Variants in XRN1 observed in about 807,000 individuals in gnomAD.
XRN1 encodes 5'-3' exoribonuclease 1, also known as strand-exchange protein 1 homolog.
In XRN1, 67 loss-of-function variants were observed where a neutral mutation model predicts 222.3. The observed-to-expected ratio is 0.30, with a 90% CI of 0.25 to 0.37. The LOEUF (loss-of-function observed/expected upper bound fraction) is 0.37, where lower values mean the gene tolerates loss of function less well. Ranked by LOEUF, XRN1 falls within the 10% of genes least tolerant of loss-of-function variation. The pLI is 1.00. For missense variants in XRN1, 1,707 were observed against 2,000.2 expected, an observed-to-expected ratio of 0.85 and a Z score of 2.80; for synonymous variants, 643 against 652.4, an observed-to-expected ratio of 0.99 and a Z score of 0.22.
At chr3:142,408,663 T>A (rs1424053841) in intron 15 of XRN1, among the ~76,000 whole-genome samples, 1 of 152,228 alleles carries the variant, frequency 6.6e-6, no homozygotes, top group African/African-American at 2.4e-5. Context: ...AATAGTCTTG[T>A]ACAAAACATT....
At chr3:142,382,658 A>G (rs1305984952) in intron 22 of XRN1, among the ~76,000 whole-genome samples, 1 of 152,066 alleles carries the variant, frequency 6.6e-6, no homozygotes, top group Non-Finnish European at 1.5e-5. Context: ...TGTTCCTTTT[A>G]GTGAGTTATG....
chr3:142,413,540 G>A (rs1040019472), intron 14 of XRN1, among the ~76,000 whole-genome samples: 6 of 152,224 alleles, frequency 3.9e-5, no homozygotes, highest in Non-Finnish European at 8.8e-5. Context: ...AGAACAGATT[G>A]TTACCCTCAA....
chr3:142,329,679 T>C, intron 36 of XRN1, 64 bp from the exon 37 acceptor site: 1 of 1,457,460 alleles, frequency 6.9e-7, no homozygotes, highest in Non-Finnish European at 9.1e-7. Flanking sequence ...TATGCACTTA[T>C]TGTAGGGTTT....
At chr3:142,420,516 T>A (rs1366612395) in intron 10 of XRN1, 1 of 159,042 alleles carries the variant, frequency 6.3e-6, no homozygotes, top group Non-Finnish European at 1.4e-5. Context: ...GGATTACAGG[T>A]GTGTGCCACC....
intron 33 of XRN1, among the ~76,000 whole-genome samples, chr3:142,336,511 G>A (rs1048086882): frequency 4.0e-5 from 6 of 151,660 alleles, no homozygotes; most frequent in African/African-American, 1.5e-4. Context: ...AGAAGCAGGG[G>A]AAGGGGAATA....
intron 31 of XRN1, among the ~76,000 whole-genome samples, chr3:142,356,407 G>A (rs2107831037): frequency 6.6e-6 from 1 of 152,242 alleles, no homozygotes. Flanking sequence ...ATAAGCATGA[G>A]ATTTGGGGTC....
At position 142,421,069 on chromosome 3, in the gene XRN1, C is replaced by G. The variant is rs1455089571; in HGVS notation, c.1120G>C (p.Ala374Pro). ...CTGGCTTCTTCTGCTGCGACACCTGCTGCTTCATTGAGGTACTTGTTACCA... is the reference window on the plus strand; with the variant it reads ...CTGGCTTCTTCTGCTGCGACACCTGGTGCTTCATTGAGGTACTTGTTACCA... ...KVGNKYLNEA[A>P]GVAAEEARNY... Residue 374 changes from alanine to proline, a missense_variant, in exon 10 of 41, where the codon GCA becomes CCA. By Grantham distance (27) the Ala-to-Pro change is conservative. Coordinates refer to ENST00000392981, the MANE Select transcript of XRN1 (RefSeq NM_001282857.2). 6 of 1,614,066 alleles carry G rather than the reference C, an allele frequency of 3.7e-6. No homozygotes were observed. The highest frequency in any genetic ancestry group is 3.3e-5 in the Admixed American group (2 of 60,020).
At chr3:142,319,945 C>T (rs1031413734) in intron 37 of XRN1, among the ~76,000 whole-genome samples, 1 of 151,926 alleles carries the variant, frequency 6.6e-6, no homozygotes, top group Non-Finnish European at 1.5e-5. Flanking sequence ...CGCACACATA[C>T]CCACACACAT....
Position 142,367,486 on chromosome 3 carries a change from C to A in XRN1, c.3205-2120G>T, listed in dbSNP as rs549305583. ...ATAGAGGTATGGAAGGAAAGTTCTA[C>A]CAGTAATTTTGATAATTAGCAGAGT... is the stretch of plus-strand genomic sequence containing the variant. On this transcript the variant is annotated intron_variant, in intron 27 of 40. Transcript: ENST00000392981. Among the ~76,000 whole-genome samples the A allele has an allele frequency of 3.3e-5, 5 of 152,096 alleles. No individual in the cohort carries two copies. In the East Asian group the frequency reaches 9.6e-4, roughly 29 times the overall value.
chr3:142,330,298 A>T (rs939212364), intron 36 of XRN1, among the ~76,000 whole-genome samples: 1 of 152,208 alleles, frequency 6.6e-6, no homozygotes, highest in Non-Finnish European at 1.5e-5. Context: ...TCTGAGACAC[A>T]TGGATGAATA....
At chr3:142,328,059 A>T (rs1405033847) in intron 37 of XRN1, among the ~76,000 whole-genome samples, 1 of 152,142 alleles carries the variant, frequency 6.6e-6, no homozygotes, top group African/African-American at 2.4e-5. Flanking sequence ...CATTTTCTTT[A>T]TCCAATCATC....
intron 29 of XRN1, among the ~76,000 whole-genome samples, chr3:142,363,663 AAAGTTTACTCTAGCTTTG>A: frequency 6.6e-6 from 1 of 151,838 alleles, no homozygotes; most frequent in Non-Finnish European, 1.5e-5. Flanking sequence ...CTAGCTTTGT[AAAGTTTACTCTAGCTTTG>A]TAAATTTTAC....
chr3:142,311,338 TAC>T lies in XRN1; in HGVS notation c.*171_*172del, dbSNP rs576995887. ...CACATACTTAAAGTGCACAATTTGATACACAGTCTTTTAAACAGCATGAAAAG... is the reference window on the plus strand; with the variant it reads ...CACATACTTAAAGTGCACAATTTGATACAGTCTTTTAAACAGCATGAAAAG... On this transcript the variant is annotated 3_prime_UTR_variant, in exon 41 of 41. Coordinates refer to ENST00000392981, the MANE Select transcript of XRN1 (RefSeq NM_001282857.2). 4,270 of 535,362 alleles carry T rather than the reference TAC, an allele frequency of 8.0e-3. 18 individuals are homozygous for T. The highest frequency in any genetic ancestry group is 9.4e-3 in the Non-Finnish European group (3,042 of 321,920). The allele number at this position is 535,362 out of a possible 1,614,324, so 33.2% of individuals were successfully genotyped here. A position where few individuals can be genotyped will look rare whatever the true frequency, so the allele number is the denominator to read the frequency against.
At chr3:142,350,812 T>C (rs968707549) in intron 32 of XRN1, among the ~76,000 whole-genome samples, 1 of 151,838 alleles carries the variant, frequency 6.6e-6, no homozygotes, top group African/African-American at 2.4e-5. Context: ...AAGGAGGGAG[T>C]GGCTATTAAC....
At chr3:142,364,923 C>T in intron 29 of XRN1, 124 bp downstream of exon 29, 1 of 1,009,330 alleles carries the variant, frequency 9.9e-7, no homozygotes, top group Non-Finnish European at 1.3e-6. Flanking sequence ...TTAACTAAAA[C>T]ATAAAAAGAT....
At chr3:142,435,586 C>A (rs1045126414) in intron 1 of XRN1, among the ~76,000 whole-genome samples, 4 of 150,754 alleles carry the variant, frequency 2.7e-5, no homozygotes, top group Non-Finnish European at 4.4e-5. Context: ...AAAGTGAAAC[C>A]ATCTCTACCA....
At chr3:142,350,151 T>A (rs1220099583) in intron 32 of XRN1, among the ~76,000 whole-genome samples, 1 of 151,972 alleles carries the variant, frequency 6.6e-6, no homozygotes, top group East Asian at 1.9e-4. Context: ...GTTTGAGGAG[T>A]TGAGGCAGGA....
At chr3:142,410,784 G>A (rs1460493519) in intron 15 of XRN1, among the ~76,000 whole-genome samples, 2 of 151,936 alleles carry the variant, frequency 1.3e-5, no homozygotes, top group Non-Finnish European at 2.9e-5. Context: ...ATGAGCCACC[G>A]TGCCCGGCCT....
At chr3:142,438,706 A>G (rs1019341740) in intron 1 of XRN1, among the ~76,000 whole-genome samples, 11 of 152,178 alleles carry the variant, frequency 7.2e-5, no homozygotes, top group African/African-American at 2.7e-4. Context: ...ATCCTCTTCA[A>G]GGGGGAGAAA....
Sources: gnomAD v4.1 joint callset for allele counts (sites outside exome capture counted in the v4.1 genomes callset) on GRCh38, gnomAD v4.1.1 for gene constraint, MANE v1.5 for transcripts, NCBI Gene and HGNC (gene_info 2026-07-23, HGNC 2026-07-21) for gene names.